The following TOGARAM1 variants were observed in gnomAD, a reference collection of about 807,000 sequenced individuals.
TOGARAM1 encodes the protein TOG array regulator of axonemal microtubules protein 1.
TOGARAM1 carries 100 observed loss-of-function variants against 166.6 expected under a neutral mutation model. That is an observed-to-expected ratio of 0.60 (90% CI 0.51 to 0.71). The LOEUF (loss-of-function observed/expected upper bound fraction) is 0.71. Among genes scored for constraint, TOGARAM1 ranks in the 30% least tolerant of loss-of-function variants. TOGARAM1 has a pLI of 0.00. For synonymous variants in TOGARAM1, 758 were observed against 763.8 expected, an observed-to-expected ratio of 0.99 and a Z score of 0.13; for missense variants, 2,029 against 2,102.7, an observed-to-expected ratio of 0.96 and a Z score of 0.69.
intron 7 of TOGARAM1, among the ~76,000 whole-genome samples, chr14:45,021,814 C>T (rs1032359919): frequency 6.6e-6 from 1 of 152,106 alleles, no homozygotes; most frequent in Non-Finnish European, 1.5e-5. Flanking sequence ...CAGGGACAGG[C>T]TTCTTGTCAT....
At chr14:45,067,830 A>G (rs1342762374) in intron 17 of TOGARAM1, among the ~76,000 whole-genome samples, 1 of 152,154 alleles carries the variant, frequency 6.6e-6, no homozygotes, top group Non-Finnish European at 1.5e-5. Flanking sequence ...ACCTGACATG[A>G]CTAAAGGATT....
In TOGARAM1 at chr14:45,006,134, C is replaced by T. The variant is rs776603162; in HGVS notation, c.2771C>T (p.Pro924Leu). ...ATACCAAGGGGAATAAGCCTTTTGC[C>T]TGATAAAGCTGATTTAAGCACAGTG... Reference protein sequence around the residue: ...PPIPRGISLLPDKADLSTVGH... With the variant: ...PPIPRGISLLLDKADLSTVGH... The change falls in exon 5 of 20, where the codon CCT becomes CTT. Residue 924 changes from proline (P) to leucine (L), a missense_variant. Coordinates refer to ENST00000361462, the MANE Select transcript of TOGARAM1 (RefSeq NM_001308120.2). 1.9e-6 allele frequency: 3 copies of T among 1,614,040 alleles called. No individual in the cohort carries two copies. Among genetic ancestry groups the T allele is most frequent in the Non-Finnish European group, 2.5e-6 (3 of 1,179,986 alleles).
At chr14:44,991,507 G>A (rs368595319) in intron 1 of TOGARAM1, among the ~76,000 whole-genome samples, 1 of 152,074 alleles carries the variant, frequency 6.6e-6, no homozygotes, top group African/African-American at 2.4e-5. Context: ...TATGTCCTTG[G>A]ACTCAATAGT....
intron 14 of TOGARAM1, among the ~76,000 whole-genome samples, chr14:45,049,856 T>G (rs1289490184): frequency 6.6e-6 from 1 of 152,208 alleles, no homozygotes; most frequent in Non-Finnish European, 1.5e-5. Context: ...GATTTCTTAA[T>G]GGCCATCTCA....
chr14:45,067,986 A>G (rs1367918468), intron 17 of TOGARAM1, among the ~76,000 whole-genome samples: 1 of 152,192 alleles, frequency 6.6e-6, no homozygotes, highest in Non-Finnish European at 1.5e-5. Flanking sequence ...TAATAAACCT[A>G]AACTGAAACT....
chr14:45,000,931 A>G (rs1887664757), intron 3 of TOGARAM1, among the ~76,000 whole-genome samples: 1 of 152,004 alleles, frequency 6.6e-6, no homozygotes, highest in Non-Finnish European at 1.5e-5. Flanking sequence ...ATGGGGTTCT[A>G]CTATGTTGCC....
At chr14:45,066,853 A>C (rs571299650) in intron 17 of TOGARAM1, 86 bp downstream of exon 17, 2 of 1,140,412 alleles carry the variant, frequency 1.8e-6, no homozygotes, top group East Asian at 4.8e-5. Context: ...AGGTAGAAGG[A>C]TCTCTTGAGG....
intron 10 of TOGARAM1, among the ~76,000 whole-genome samples, chr14:45,031,146 G>T (rs1226946361): frequency 2.0e-5 from 3 of 152,050 alleles, no homozygotes; most frequent in Non-Finnish European, 4.4e-5. Flanking sequence ...AGATAACATG[G>T]TTAATAAACA....
chr14:44,999,147 G>A (rs1887572726), intron 2 of TOGARAM1, among the ~76,000 whole-genome samples: 1 of 152,122 alleles, frequency 6.6e-6, no homozygotes, highest in Non-Finnish European at 1.5e-5. Flanking sequence ...TCTTTTCCCT[G>A]TTCTTTACTA....
At chr14:45,030,214 C>T (rs1351615164) in intron 10 of TOGARAM1, among the ~76,000 whole-genome samples, 1 of 152,098 alleles carries the variant, frequency 6.6e-6, no homozygotes, top group Non-Finnish European at 1.5e-5. Context: ...TAACATTCTT[C>T]AGGTGAAAAC....
chr14:44,982,457 T>G (rs906079389), intron 1 of TOGARAM1, among the ~76,000 whole-genome samples: 1 of 152,196 alleles, frequency 6.6e-6, no homozygotes, highest in African/African-American at 2.4e-5. Context: ...TCCTAACAGA[T>G]TTCACTACAA....
At chr14:45,044,306 G>A (rs1001644219) in intron 12 of TOGARAM1, among the ~76,000 whole-genome samples, 11 of 152,054 alleles carry the variant, frequency 7.2e-5, no homozygotes, top group Admixed American at 6.6e-4. Context: ...CACCACGCCC[G>A]GTTTAAGATA....
chr14:44,992,611 C>CTTTTT (rs376434047), intron 1 of TOGARAM1, among the ~76,000 whole-genome samples: 53 of 91,294 alleles, frequency 5.8e-4, no homozygotes, highest in Middle Eastern at 9.4e-3. Context: ...TTTTTGTAAT[C>CTTTTT]TTTTTTTTTT....
chr14:45,035,290 G>A (rs1301065613), intron 11 of TOGARAM1, among the ~76,000 whole-genome samples: 1 of 151,980 alleles, frequency 6.6e-6, no homozygotes, highest in African/African-American at 2.4e-5. Context: ...AACCCGGGAG[G>A]CGGAGGTTGC....
intron 16 of TOGARAM1, among the ~76,000 whole-genome samples, chr14:45,057,069 T>C (rs931442335): frequency 1.3e-5 from 2 of 152,202 alleles, no homozygotes; most frequent in African/African-American, 4.8e-5. Flanking sequence ...ACTGGTCTGT[T>C]CAGGATTTCT....
At chr14:45,006,449 C>A (rs943197958) in intron 5 of TOGARAM1, 182 bp downstream of exon 5, 1 of 497,152 alleles carries the variant, frequency 2.0e-6, no homozygotes, top group Non-Finnish European at 3.5e-6. Flanking sequence ...CGCCAGTTCC[C>A]ACTACCAGAA....
intron 14 of TOGARAM1, 28 bp from the exon 15 acceptor site, chr14:45,052,408 A>G: frequency 6.3e-7 from 1 of 1,597,298 alleles, no homozygotes. Flanking sequence ...TCTAAAAAGT[A>G]ATATACCTGT....
chr14:44,993,064 C>T lies in TOGARAM1; in HGVS notation c.2047-2682C>T, dbSNP rs531064250. ...GATCATTTGAGCTTGACGGTTCGAG[C>T]TCAGCCTGGGTAACATGGCAAAAAA... is the stretch of plus-strand genomic sequence containing the variant. On this transcript the variant is annotated intron_variant, in intron 1 of 19. Coordinates refer to ENST00000361462, the MANE Select transcript of TOGARAM1 (RefSeq NM_001308120.2). Among the ~76,000 whole-genome samples the T allele has an allele frequency of 2.0e-5, 3 of 151,552 alleles. No individual in the cohort carries two copies. The South Asian group carries it at 6.3e-4, about 32-fold the overall frequency.
intron 14 of TOGARAM1, among the ~76,000 whole-genome samples, chr14:45,048,937 A>G (rs1160968121): frequency 1.3e-5 from 2 of 151,812 alleles, no homozygotes; most frequent in African/African-American, 4.8e-5. Context: ...AGATCACACT[A>G]TTGCATTCCA....
Sources: gnomAD v4.1 joint callset for allele counts (sites outside exome capture counted in the v4.1 genomes callset) on GRCh38, gnomAD v4.1.1 for gene constraint, MANE v1.5 for transcripts, NCBI Gene and HGNC (gene_info 2026-07-23, HGNC 2026-07-21) for gene names.